FTCDNL1: variants seen among roughly 807,000 people sequenced by gnomAD.
FTCDNL1 encodes formiminotransferase N-terminal subdomain-containing protein.
A neutral mutation model predicts 5.9 loss-of-function variants in FTCDNL1; 11 were observed. The ratio of observed to expected loss-of-function variants is 1.87; its 90% confidence interval spans 1.18 to 3.10. The LOEUF (loss-of-function observed/expected upper bound fraction) is 3.10, where lower values mean the gene tolerates loss of function less well. FTCDNL1 is among the 30% of genes most tolerant of loss of function. FTCDNL1 has a pLI of 0.00. For synonymous variants in FTCDNL1, 58 were observed against 24.8 expected, an observed-to-expected ratio of 2.34 and a Z score of -3.99; for missense variants, 115 against 65.5, an observed-to-expected ratio of 1.76 and a Z score of -2.61.
At chr2:199,682,464 A>G in the FTCDNL1 span, among the ~76,000 whole-genome samples, 2 of 152,216 alleles carry the variant, frequency 1.3e-5, no homozygotes, top group African/African-American at 2.4e-5. Context: ...ACTGTACTAT[A>G]TATTGTGGGA....
chr2:199,672,151 ACCTGGTAC>A, the FTCDNL1 span, among the ~76,000 whole-genome samples: 1 of 152,096 alleles, frequency 6.6e-6, no homozygotes, highest in Non-Finnish European at 1.5e-5. Flanking sequence ...TTCCATAGCT[ACCTGGTAC>A]CCTTGCTCCT....
At chr2:199,788,975 A>T (rs1034055051) in intron 3 of FTCDNL1, among the ~76,000 whole-genome samples, 1 of 152,008 alleles carries the variant, frequency 6.6e-6, no homozygotes, top group Admixed American at 6.5e-5. Context: ...AAATTACCCA[A>T]ATGAAAACTT....
At chr2:199,786,759 A>G (rs1699671148) in intron 3 of FTCDNL1, among the ~76,000 whole-genome samples, 1 of 152,196 alleles carries the variant, frequency 6.6e-6, no homozygotes. Flanking sequence ...CTGCCTGCAC[A>G]TTGTATTAAA....
chr2:199,819,540 A>C, intron 4 of FTCDNL1, 32 bp downstream of exon 4: 1 of 687,878 alleles, frequency 1.5e-6, no homozygotes, highest in African/African-American at 1.8e-5. Flanking sequence ...AAAAAAAAAA[A>C]AACAGAGCAA....
the FTCDNL1 span, among the ~76,000 whole-genome samples, chr2:199,715,886 A>G: frequency 6.6e-6 from 1 of 152,110 alleles, no homozygotes; most frequent in Admixed American, 6.5e-5. Flanking sequence ...ATTAATCCTC[A>G]GATTAATCCC....
the FTCDNL1 span, among the ~76,000 whole-genome samples, chr2:199,723,034 G>A: frequency 6.6e-6 from 1 of 151,912 alleles, no homozygotes; most frequent in East Asian, 1.9e-4. Flanking sequence ...TGTCGTGGTG[G>A]TTTGCTGCAC....
the FTCDNL1 span, among the ~76,000 whole-genome samples, chr2:199,729,845 A>G: frequency 6.6e-6 from 1 of 152,218 alleles, no homozygotes; most frequent in East Asian, 1.9e-4. Context: ...GAATTGGAAA[A>G]AACTACTTTA....
At chr2:199,703,807 T>A in the FTCDNL1 span, among the ~76,000 whole-genome samples, 30 of 152,350 alleles carry the variant, frequency 2.0e-4, no homozygotes, top group African/African-American at 7.0e-4. Flanking sequence ...TTATTGTATG[T>A]ATTTAAATTT....
the FTCDNL1 span, among the ~76,000 whole-genome samples, chr2:199,729,871 C>G: frequency 6.6e-6 from 1 of 152,100 alleles, no homozygotes; most frequent in Non-Finnish European, 1.5e-5. Context: ...TATACGGAAC[C>G]AAAAGAGAGC....
downstream of FTCDNL1, among the ~76,000 whole-genome samples, chr2:199,757,937 G>A (rs984480454): frequency 6.6e-6 from 1 of 152,082 alleles, no homozygotes; most frequent in African/African-American, 2.4e-5. Context: ...CCATATGTGA[G>A]TCTTATTCCT....
At chr2:199,764,100 C>G (rs1309593591) in intron 3 of FTCDNL1, among the ~76,000 whole-genome samples, 1 of 152,134 alleles carries the variant, frequency 6.6e-6, no homozygotes, top group Non-Finnish European at 1.5e-5. Context: ...CTTCAGCCTC[C>G]CAAAGTGTTG....
chr2:199,807,640 A>G (rs1281041244), downstream of FTCDNL1, among the ~76,000 whole-genome samples: 1 of 152,200 alleles, frequency 6.6e-6, no homozygotes, highest in African/African-American at 2.4e-5. Flanking sequence ...CTATCTCAGA[A>G]AAAGAAAATT....
chr2:199,726,214 G>A, the FTCDNL1 span, among the ~76,000 whole-genome samples: 2 of 152,100 alleles, frequency 1.3e-5, no homozygotes, highest in African/African-American at 2.4e-5. Context: ...TGACGTTCTC[G>A]TGTTGTGCTT....
the FTCDNL1 span, among the ~76,000 whole-genome samples, chr2:199,718,414 T>C: frequency 6.6e-6 from 1 of 152,212 alleles, no homozygotes; most frequent in Non-Finnish European, 1.5e-5. Flanking sequence ...GTCCGTGGTA[T>C]AAATACACCA....
rs76686112 is a variant in FTCDNL1 at position 199,837,731 on chromosome 2, A to T, written c.211+8344T>A. Reference sequence around the variant, plus strand: ...TCCTTAATGTTTTATATATTTTTTTAAAAAAATCAAAACAATAAGTATCAA... The same window carrying T: ...TCCTTAATGTTTTATATATTTTTTTTAAAAAATCAAAACAATAAGTATCAA... On this transcript the variant is annotated intron_variant, in intron 3 of 4. Transcript: ENST00000420128. Among the ~76,000 whole-genome samples, 365 of 152,212 alleles carry T rather than the reference A, an allele frequency of 2.4e-3. 2 individuals are homozygous for T. Among genetic ancestry groups the T allele is most frequent in the African/African-American group, 7.3e-3 (301 of 41,498 alleles).
the FTCDNL1 span, among the ~76,000 whole-genome samples, chr2:199,664,087 A>T: frequency 0.14 from 21,513 of 151,056 alleles, 1,915 homozygotes; most frequent in East Asian, 0.19. Context: ...CCAGAGCATT[A>T]AAAAAAAAGT....
the FTCDNL1 span, among the ~76,000 whole-genome samples, chr2:199,743,160 C>G: frequency 2.0e-5 from 3 of 152,226 alleles, no homozygotes; most frequent in Non-Finnish European, 1.5e-5. Context: ...CCATGATCAC[C>G]TCAACAGCCC....
the FTCDNL1 span, among the ~76,000 whole-genome samples, chr2:199,714,822 C>T: frequency 1.3e-5 from 2 of 151,698 alleles, no homozygotes; most frequent in East Asian, 3.9e-4. Flanking sequence ...CCTGTTAAAG[C>T]TGCCAGCAAA....
chr2:199,844,295 G>A (rs1421631627), intron 3 of FTCDNL1: 1 of 435,108 alleles, frequency 2.3e-6, no homozygotes. Context: ...GGGGGCTGAG[G>A]AGTGATTTGA....
Sources: gnomAD v4.1 joint callset for allele counts (sites outside exome capture counted in the v4.1 genomes callset) on GRCh38, gnomAD v4.1.1 for gene constraint, MANE v1.5 for transcripts, NCBI Gene and HGNC (gene_info 2026-07-23, HGNC 2026-07-21) for gene names.